Variants in CLEC3A observed in about 807,000 individuals in gnomAD.
The protein encoded by CLEC3A is C-type (calcium dependent, carbohydrate-recognition domain) lectin, superfamily member 1 (cartilage-derived).
In CLEC3A, 28 loss-of-function variants were observed where a neutral mutation model predicts 20.4. The observed-to-expected ratio is 1.37, with a 90% CI of 1.02 to 1.88. CLEC3A has a LOEUF of 1.88. Among genes scored for constraint, CLEC3A ranks in the 40% most tolerant of loss-of-function variants. The probability of loss-of-function intolerance (pLI) is 0.00; values close to 1 mark genes in which losing one functional copy is unlikely to be tolerated. For missense variants in CLEC3A, 357 were observed against 240.4 expected (o/e 1.48, Z -3.21); for synonymous variants, 110 against 88.1 (o/e 1.25, Z -1.39).
intron 1 of CLEC3A, among the ~76,000 whole-genome samples, chr16:78,027,409 C>T (rs13334338): frequency 3.0e-4 from 45 of 152,218 alleles, no homozygotes; most frequent in African/African-American, 9.1e-4. Flanking sequence ...TACAGGAAAG[C>T]GCTGGAGCAA....
chr16:78,024,533 G>C (rs1434995649), intron 1 of CLEC3A, among the ~76,000 whole-genome samples: 1 of 151,876 alleles, frequency 6.6e-6, no homozygotes. Flanking sequence ...AAACTGACTA[G>C]GTACACACCT....
Position 78,030,626 on chromosome 16 carries a change from G to T in CLEC3A, c.379G>T (p.Asp127Tyr). Residue 127 changes from aspartate to tyrosine, a missense_variant, in exon 3 of 3, where the codon GAC becomes TAC. Physicochemically the swap from Asp to Tyr is radical, Grantham distance 160. Transcript: ENST00000299642. ...TAAAAGGAGCCTGCCAGGTGTCAAT[G>T]ACTTTTGGCTGGGCATCAATGACAT... is the stretch of plus-strand genomic sequence containing the variant. Reference protein sequence around the residue: ...YGKRSLPGVNDFWLGINDMVT... With the variant: ...YGKRSLPGVNYFWLGINDMVT... 1 of 1,614,096 alleles carries T rather than the reference G, an allele frequency of 6.2e-7. No individual in the cohort carries two copies. Among genetic ancestry groups the T allele is most frequent in the Non-Finnish European group, 8.5e-7 (1 of 1,180,016 alleles).
intron 2 of CLEC3A, among the ~76,000 whole-genome samples, chr16:78,029,411 C>T (rs943820954): frequency 6.6e-6 from 1 of 152,142 alleles, no homozygotes; most frequent in African/African-American, 2.4e-5. Flanking sequence ...CACTGTTGCC[C>T]GGGCTGGAGT....
chr16:78,030,565 G>T lies in CLEC3A; in HGVS notation c.318G>T (p.Arg106Ser). The part of the protein sequence containing the change: ...ISKGGILVIP[R>S]NSDEINALQD... ...AAGGAGGAATCCTGGTTATCCCCAG[G>T]AACTCCGACGAAATCAACGCCCTCC... Residue 106 changes from arginine (R) to serine (S), a missense_variant, in exon 3 of 3, where the codon AGG (arginine) becomes AGT (serine). Transcript: ENST00000299642. 6.2e-7 allele frequency: 1 copy of T among 1,614,128 alleles called. No individual in the cohort carries two copies. Among genetic ancestry groups the T allele is most frequent in the South Asian group, 1.1e-5 (1 of 91,082 alleles).
chr16:78,026,123 T>C (rs747131957), intron 1 of CLEC3A, among the ~76,000 whole-genome samples: 2 of 152,180 alleles, frequency 1.3e-5, no homozygotes, highest in African/African-American at 2.4e-5. Context: ...CTTTAGGTTA[T>C]AGTATTTCTG....
Position 78,030,583 on chromosome 16 carries a change from C to T in CLEC3A, c.336C>T (p.Asn112=), listed in dbSNP as rs552780727. Residue 112 remains asparagine, a synonymous_variant, in exon 3 of 3, where the codon AAC becomes AAT. Coordinates refer to ENST00000299642, the MANE Select transcript of CLEC3A (RefSeq NM_005752.6). ...TCCCCAGGAACTCCGACGAAATCAA[C>T]GCCCTCCAAGACTATGGTAAAAGGA... ...LVIPRNSDEI[N]ALQDYGKRSL... The T allele has an allele frequency of 4.3e-6, 7 of 1,614,156 alleles. No homozygotes were observed. The highest frequency in any genetic ancestry group is 1.3e-5 in the African/African-American group (1 of 75,040).
chr16:78,026,753 T>C (rs2029934539), intron 1 of CLEC3A, among the ~76,000 whole-genome samples: 1 of 152,184 alleles, frequency 6.6e-6, no homozygotes, highest in African/African-American at 2.4e-5. Flanking sequence ...AAATTTCAAT[T>C]TATCCAAGGC....
chr16:78,030,352 C>A, intron 2 of CLEC3A, 95 bp from the exon 3 acceptor site: 1 of 1,099,912 alleles, frequency 9.1e-7, no homozygotes, highest in South Asian at 1.5e-5. Flanking sequence ...TATCATACTT[C>A]ATTCCACAAA....
At chr16:78,023,507 A>T (rs2018775448) in intron 1 of CLEC3A, among the ~76,000 whole-genome samples, 1 of 152,220 alleles carries the variant, frequency 6.6e-6, no homozygotes. Flanking sequence ...AAAGAAAAAA[A>T]CAAGACAGAG....
chr16:78,024,354 C>T (rs1237797426), intron 1 of CLEC3A, among the ~76,000 whole-genome samples: 2 of 151,980 alleles, frequency 1.3e-5, no homozygotes, highest in Admixed American at 6.6e-5. Context: ...CTGAAGTAAT[C>T]GCAGCTTAGG....
At chr16:78,029,438 G>T (rs1433494848) in intron 2 of CLEC3A, among the ~76,000 whole-genome samples, 1 of 152,054 alleles carries the variant, frequency 6.6e-6, no homozygotes, top group Admixed American at 6.5e-5. Context: ...GCGCAATCTC[G>T]GCTCACTGCA....
Position 78,031,182 on chromosome 16 carries a change from G to A in CLEC3A, c.*341G>A, listed in dbSNP as rs1018039775. 1.1e-5 allele frequency: 2 copies of A among 188,192 alleles called. No individual in the cohort carries two copies. The highest frequency in any genetic ancestry group is 2.4e-5 in the African/African-American group (1 of 42,544). 11.7% of individuals were successfully genotyped at this position (188,192 alleles called of 1,614,324 possible). Reference sequence around the variant, plus strand: ...CAATGCAACTCATCACTCTAGAAAAGCAAGCTTAGGCTACCTGAAAGATTT... The same window carrying A: ...CAATGCAACTCATCACTCTAGAAAAACAAGCTTAGGCTACCTGAAAGATTT... On this transcript the variant is annotated 3_prime_UTR_variant, in exon 3 of 3. Transcript: ENST00000299642.
At chr16:78,024,051 C>A (rs909886782) in intron 1 of CLEC3A, among the ~76,000 whole-genome samples, 2 of 152,010 alleles carry the variant, frequency 1.3e-5, no homozygotes, top group African/African-American at 4.8e-5. Flanking sequence ...GCCACCGCGC[C>A]CGGCTAGTGC....
At position 78,031,207 on chromosome 16, in the gene CLEC3A, T is replaced by A; in HGVS notation, c.*366T>A. ...GCAAGCTTAGGCTACCTGAAAGATT[T>A]TCCCTTGGAAGTTTAGCGTATGTTT... On this transcript the variant is annotated 3_prime_UTR_variant, in exon 3 of 3. Transcript: ENST00000299642. The A allele has an allele frequency of 5.6e-6, 1 of 177,268 alleles. No homozygotes were observed. The allele number at this position is 177,268 out of a possible 1,614,324, so 11.0% of individuals were successfully genotyped here. A position where few individuals can be genotyped will look rare whatever the true frequency, so the allele number is the denominator to read the frequency against.
intron 1 of CLEC3A, 41 bp from the exon 2 acceptor site, chr16:78,028,066 T>A (rs1315251514): frequency 1.5e-6 from 2 of 1,336,744 alleles, no homozygotes; most frequent in Non-Finnish European, 2.1e-6. Flanking sequence ...ATCATACGCT[T>A]TTCATCCACC....
In CLEC3A at chr16:78,031,671, G is replaced by A. The variant is rs977865065; in HGVS notation, c.*830G>A. On this transcript the variant is annotated 3_prime_UTR_variant, in exon 3 of 3. Coordinates refer to ENST00000299642, the MANE Select transcript of CLEC3A (RefSeq NM_005752.6). ...CCTTACTCTCACCTTTTATGAGATT[G>A]AGAGTGGACTTACATTTCCTTTTTT... 21 of 152,168 alleles carry A rather than the reference G, an allele frequency of 1.4e-4. No individual in the cohort carries two copies. Among genetic ancestry groups the A allele is most frequent in the African/African-American group, 4.6e-4 (19 of 41,444 alleles). The allele number at this position is 152,168 out of a possible 1,614,324, so 9.4% of individuals were successfully genotyped here.
In CLEC3A at chr16:78,022,592, C is replaced by A. The variant is rs774325216; in HGVS notation, c.-35C>A. The A allele has an allele frequency of 1.9e-6, 3 of 1,610,884 alleles. No individual in the cohort carries two copies. Among genetic ancestry groups the A allele is most frequent in the Non-Finnish European group, 2.5e-6 (3 of 1,178,468 alleles). Reference sequence around the variant, plus strand: ...TCCTTCCATAGCTGCTCTAAGGGGGCTGGCAACATGGCTCAGCAGGCTTGC... The same window carrying A: ...TCCTTCCATAGCTGCTCTAAGGGGGATGGCAACATGGCTCAGCAGGCTTGC... On this transcript the variant is annotated 5_prime_UTR_variant, in exon 1 of 3. The change creates a new upstream start codon in the 5' untranslated region. Transcript: ENST00000299642.
chr16:78,030,508 T>C lies in CLEC3A; in HGVS notation c.261T>C (p.His87=), dbSNP rs771881517. Residue 87 remains histidine, a synonymous_variant, in exon 3 of 3, where the codon CAT becomes CAC. Transcript: ENST00000299642. ...KCYLASEGLK[H]FHEANEDCIS... The stretch of plus-strand genomic sequence containing the variant: ...ACCTTGCTTCAGAAGGTTTGAAGCA[T>C]TTCCATGAGGCCAATGAAGACTGCA... 2.5e-6 allele frequency: 4 copies of C among 1,613,786 alleles called. No homozygotes were observed. Among genetic ancestry groups the C allele is most frequent in the Non-Finnish European group, 3.4e-6 (4 of 1,179,930 alleles).
At chr16:78,025,018 T>G (rs181585494) in intron 1 of CLEC3A, among the ~76,000 whole-genome samples, 1 of 152,262 alleles carries the variant, frequency 6.6e-6, no homozygotes, top group Non-Finnish European at 1.5e-5. Context: ...TCTTTTTTAG[T>G]ATAGATGGGG....
Sources: allele counts gnomAD v4.1 joint callset (sites outside exome capture counted in the v4.1 genomes callset), GRCh38; gene constraint gnomAD v4.1.1; transcripts MANE v1.5; gene names NCBI Gene and HGNC (gene_info 2026-07-23, HGNC 2026-07-21).